Variants in ATP8B3 observed in about 807,000 individuals in gnomAD.
The protein encoded by ATP8B3 is ATPase phospholipid transporting 8B3.
Under a neutral mutation model 140.9 loss-of-function variants are expected in ATP8B3, and 141 were observed. The observed-to-expected ratio is 1.00, with a 90% CI of 0.87 to 1.15. ATP8B3 has a LOEUF of 1.15. Ranked by LOEUF, ATP8B3 falls within the 50% of genes most tolerant of loss-of-function variation. ATP8B3 has a pLI of 0.00. For missense variants in ATP8B3, 1,874 were observed against 1,740.6 expected (o/e 1.08, Z -1.36); for synonymous variants, 765 against 714.6 (o/e 1.07, Z -1.13).
rs1239406537 is a variant in ATP8B3, at chr19:1,789,578, C to A, written c.2628G>T (p.Pro876=). 1.2e-5 allele frequency: 19 copies of A among 1,592,730 alleles called. No homozygotes were observed. Among genetic ancestry groups the A allele is most frequent in the South Asian group, 3.4e-5 (3 of 89,468 alleles). ...LSLLCRRFGL[P]LAAPPAQDSR... ...AGTCCTGGGCTGGCGGTGCAGCCAGCGGGAGCCCGAACCTCCGGCACAGCA... is the reference window on the plus strand; with the variant it reads ...AGTCCTGGGCTGGCGGTGCAGCCAGAGGGAGCCCGAACCTCCGGCACAGCA... Residue 876 remains proline, a synonymous_variant, in exon 23 of 29, where the codon CCG becomes CCT. Transcript: ENST00000310127.
At chr19:1,796,654 C>T (rs2068685267) in intron 16 of ATP8B3, 57 bp downstream of exon 16, 2 of 1,565,696 alleles carry the variant, frequency 1.3e-6, no homozygotes, top group East Asian at 4.5e-5. Flanking sequence ...GGGCTGGGGA[C>T]ACTGCCGTGC....
intron 14 of ATP8B3, among the ~76,000 whole-genome samples, chr19:1,798,590 T>C (rs2068750872): frequency 1.3e-5 from 2 of 151,622 alleles, no homozygotes; most frequent in South Asian, 4.2e-4. Flanking sequence ...TACAAAAAAT[T>C]AGCCGGGCGT....
Position 1,796,050 on chromosome 19 carries a change from G to C in ATP8B3, c.1942+27C>G, listed in dbSNP as rs751671533. On this transcript the variant is annotated intron_variant, in intron 17 of 28. Transcript: ENST00000310127. ...CCGTCTGCCCGCCCCACCTTGGGGG[G>C]CCCAGGGCTTGGGTGGCGGGGCTCA... is the stretch of plus-strand genomic sequence containing the variant. 2.5e-6 allele frequency: 4 copies of C among 1,611,794 alleles called. No individual in the cohort carries two copies. In the African/African-American group the frequency reaches 5.3e-5, roughly 22 times the overall value.
chr19:1,806,138 C>T lies in ATP8B3; in HGVS notation c.709G>A (p.Val237Met), dbSNP rs201831721. Residue 237 changes from valine to methionine, a missense_variant, in exon 8 of 29, where the codon GTG becomes ATG. Transcript: ENST00000310127. This position sits in a 1 kb window ranked among gnomAD's most constrained non-coding sequence, Gnocchi z 5.6. The part of the protein sequence containing the change: ...FKQKKWQDLC[V>M]GDVVCLRKDN... The stretch of plus-strand genomic sequence containing the variant: ...TTGCGGAGACAGACCACATCCCCCA[C>T]GCACAGATCCTGCCATTTCTTCTGC... 17 of 1,600,876 alleles carry T rather than the reference C, an allele frequency of 1.1e-5. No individual in the cohort carries two copies. The highest frequency in any genetic ancestry group is 8.6e-5 in the Admixed American group (5 of 58,312).
intron 10 of ATP8B3, among the ~76,000 whole-genome samples, chr19:1,803,668 G>A (rs566608486): frequency 1.2e-4 from 19 of 152,032 alleles, no homozygotes; most frequent in African/African-American, 3.6e-4. Context: ...AGGCCGAGGC[G>A]GGTGGATCAC....
rs762309893 is a variant in ATP8B3 at position 1,809,600 on chromosome 19, G to C, written c.402+43C>G. The C allele has an allele frequency of 1.9e-5, 29 of 1,518,600 alleles. 1 individual carries two copies. The South Asian group carries it at 3.4e-4, about 18-fold the overall frequency. The allele number at this position is 1,518,600 out of a possible 1,614,324, so 94.1% of individuals were successfully genotyped here. A position where few individuals can be genotyped will look rare whatever the true frequency, so the allele number is the denominator to read the frequency against. On this transcript the variant is annotated intron_variant, in intron 4 of 28. Transcript: ENST00000310127. ...AAAATAGATTCCCCGAGGGTACCAC[G>C]GCAGCTCCTCTGGAGCAGGGAGGCG...
Position 1,782,848 on chromosome 19 carries a change from C to A in ATP8B3, c.*180G>T. On this transcript the variant is annotated 3_prime_UTR_variant, in exon 29 of 29. Transcript: ENST00000310127. Reference sequence around the variant, plus strand: ...ATTGCTCTTGGAAAGACTCAGATAGCCTGTTGCTGCTGGTGAGCACATATT... The same window carrying A: ...ATTGCTCTTGGAAAGACTCAGATAGACTGTTGCTGCTGGTGAGCACATATT... The A allele has an allele frequency of 1.3e-6, 1 of 762,416 alleles. No individual in the cohort carries two copies. Among genetic ancestry groups the A allele is most frequent in the Non-Finnish European group, 2.1e-6 (1 of 483,688 alleles). 47.2% of individuals were successfully genotyped at this position (762,416 alleles called of 1,614,324 possible).
Position 1,806,017 on chromosome 19 carries a change from G to A in ATP8B3, c.751-59C>T. The A allele has an allele frequency of 6.2e-7, 1 of 1,608,692 alleles. No individual in the cohort carries two copies. The highest frequency in any genetic ancestry group is 8.5e-7 in the Non-Finnish European group (1 of 1,177,906). On this transcript the variant is annotated intron_variant, in intron 8 of 28. Coordinates refer to ENST00000310127, the MANE Select transcript of ATP8B3 (RefSeq NM_138813.4). This position sits in a 1 kb window ranked among gnomAD's most constrained non-coding sequence, Gnocchi z 5.6. ...GGATGCAAGACAAATTGGGGGTGCG[G>A]CAGCCCTCCCCACCCTGGGAGGGGT...
In ATP8B3 at chr19:1,796,599, C is replaced by T. The variant is rs1046861077; in HGVS notation, c.1753+112G>A. ...TGGTGTCACACCGGCCTCAGCGCCC[C>T]CCAAGCCAGCTGAAAGCCCTGGAAG... On this transcript the variant is annotated intron_variant, in intron 16 of 28. Coordinates refer to ENST00000310127, the MANE Select transcript of ATP8B3 (RefSeq NM_138813.4). 4.3e-6 allele frequency: 6 copies of T among 1,395,596 alleles called. No individual in the cohort carries two copies. In the African/African-American group the frequency reaches 7.2e-5, roughly 17 times the overall value. 86.5% of individuals were successfully genotyped at this position (1,395,596 alleles called of 1,614,324 possible).
rs1162817542 is a variant in ATP8B3, at chr19:1,794,599, G to A, written c.2055+1276C>T. Among the ~76,000 whole-genome samples the A allele has an allele frequency of 6.6e-6, 1 of 152,178 alleles. No homozygotes were observed. Among genetic ancestry groups the A allele is most frequent in the South Asian group, 2.1e-4 (1 of 4,832 alleles). On this transcript the variant is annotated intron_variant, in intron 18 of 28. Transcript: ENST00000310127. The surrounding 1 kb of genome is among the most constrained non-coding windows in gnomAD (Gnocchi z 4.8). Reference sequence around the variant, plus strand: ...GATGACAGCCCCATGTTGGCAGGGGGTGGGGCAGGAAAGGCCCCATGTGTG... The same window carrying A: ...GATGACAGCCCCATGTTGGCAGGGGATGGGGCAGGAAAGGCCCCATGTGTG...
chr19:1,798,205 A>G lies in ATP8B3; in HGVS notation c.1553-1200T>C, dbSNP rs978796642. 2.0e-5 allele frequency among the ~76,000 whole-genome samples: 3 copies of G among 151,622 alleles called. No homozygotes were observed. In the South Asian group the frequency reaches 6.2e-4, roughly 32 times the overall value. ...AGGCTGCTCTCGAACTCCTGACCTC[A>G]GGTGATCCACCCGCCTCAACCTCGG... On this transcript the variant is annotated intron_variant, in intron 14 of 28. Coordinates refer to ENST00000310127, the MANE Select transcript of ATP8B3 (RefSeq NM_138813.4).
intron 18 of ATP8B3, among the ~76,000 whole-genome samples, chr19:1,793,251 C>A (rs537648536): frequency 7.1e-6 from 1 of 140,638 alleles, no homozygotes; most frequent in Non-Finnish European, 1.5e-5. Context: ...CCATCACACC[C>A]GGCTAATTTC....
chr19:1,807,024 G>T lies in ATP8B3; in HGVS notation c.615+144C>A. 6.6e-6 allele frequency: 5 copies of T among 755,266 alleles called. No homozygotes were observed. The highest frequency in any genetic ancestry group is 1.1e-5 in the Non-Finnish European group (5 of 453,430). 46.8% of individuals were successfully genotyped at this position (755,266 alleles called of 1,614,324 possible). The stretch of plus-strand genomic sequence containing the variant: ...GGTGCTAGCAGATAAGGACAATGTA[G>T]CCCCAGCAGCTGAGGCTCCCAGGCC... On this transcript the variant is annotated intron_variant, in intron 6 of 28. Coordinates refer to ENST00000310127, the MANE Select transcript of ATP8B3 (RefSeq NM_138813.4). This position sits in a 1 kb window ranked among gnomAD's most constrained non-coding sequence, Gnocchi z 5.9.
Position 1,796,890 on chromosome 19 carries a change from C to CG in ATP8B3, c.1585-12dup. The CG allele has an allele frequency of 6.3e-7, 1 of 1,579,420 alleles. No homozygotes were observed. Among genetic ancestry groups the CG allele is most frequent in the East Asian group, 2.3e-5 (1 of 43,486 alleles). On this transcript the variant is annotated splice_polypyrimidine_tract_variant and intron_variant, in intron 15 of 28. Coordinates refer to ENST00000310127, the MANE Select transcript of ATP8B3 (RefSeq NM_138813.4). ...GAGGTAGGGGTTCTCCTGGGGGTGG[C>CG]GGGGGCACGGGCCGGCTGTGGGTGG...
At chr19:1,802,865 A>G (rs542936946) in intron 10 of ATP8B3, among the ~76,000 whole-genome samples, 2 of 152,144 alleles carry the variant, frequency 1.3e-5, no homozygotes, top group East Asian at 3.9e-4. Context: ...GGGGACTCAC[A>G]CTTCCCTGAT....
intron 14 of ATP8B3, among the ~76,000 whole-genome samples, chr19:1,798,401 T>C (rs900395931): frequency 1.3e-5 from 2 of 152,118 alleles, no homozygotes; most frequent in African/African-American, 4.8e-5. Flanking sequence ...GAATTGTTTT[T>C]GGATTTTTAA....
rs920473874 is a variant in ATP8B3 at position 1,789,026 on chromosome 19, G to C, written c.2940C>G (p.Arg980=). ...FVLGQFCFLQ[R]LLLVHGRWSY... Reference sequence around the variant, plus strand: ...ACCAGCGGCCGTGCACCAGCAGGAGGCGCTGCAGGAAGCAGAACTGGCCGA... The same window carrying C: ...ACCAGCGGCCGTGCACCAGCAGGAGCCGCTGCAGGAAGCAGAACTGGCCGA... The change falls in exon 24 of 29, where the codon CGC becomes CGG. Residue 980 remains arginine, a synonymous_variant. Coordinates refer to ENST00000310127, the MANE Select transcript of ATP8B3 (RefSeq NM_138813.4). 6.2e-7 allele frequency: 1 copy of C among 1,609,446 alleles called. No homozygotes were observed. Among genetic ancestry groups the C allele is most frequent in the Admixed American group, 1.7e-5 (1 of 59,636 alleles).
chr19:1,810,743 C>T (rs969836630), intron 2 of ATP8B3, 60 bp from the exon 3 acceptor site: 12 of 1,536,286 alleles, frequency 7.8e-6, no homozygotes, highest in African/African-American at 2.7e-5. Context: ...GGGCACCACT[C>T]GGTCTTCAAG....
chr19:1,789,718 G>C lies in ATP8B3; in HGVS notation c.2488C>G (p.Leu830Val), dbSNP rs763138889. ...VINGDFLDKLLVSLRKEPRAL... is the reference protein window; with the variant it reads ...VINGDFLDKLVVSLRKEPRAL... Reference sequence around the variant, plus strand: ...CGCGGCTCCTTCCGCAGGGACACCAGCAGTTTGTCCTGGCCGGCGGGGAGG... The same window carrying C: ...CGCGGCTCCTTCCGCAGGGACACCACCAGTTTGTCCTGGCCGGCGGGGAGG... The change falls in exon 23 of 29, where the codon CTG becomes GTG. Residue 830 changes from leucine (L) to valine (V), a missense_variant. Coordinates refer to ENST00000310127, the MANE Select transcript of ATP8B3 (RefSeq NM_138813.4). 2 of 1,573,372 alleles carry C rather than the reference G, an allele frequency of 1.3e-6. No individual in the cohort carries two copies. Among genetic ancestry groups the C allele is most frequent in the African/African-American group, 2.7e-5 (2 of 74,182 alleles).
Sources: gnomAD v4.1 joint callset for allele counts (sites outside exome capture counted in the v4.1 genomes callset) on GRCh38, gnomAD v4.1.1 for gene constraint, Gnocchi (gnomAD v3.1) non-coding constraint, MANE v1.5 for transcripts, NCBI Gene and HGNC (gene_info 2026-07-23, HGNC 2026-07-21) for gene names.